GK: variants seen among roughly 807,000 people sequenced by gnomAD.
GK encodes the protein glycerol kinase.
GK carries 9 observed loss-of-function variants against 56.4 expected under a neutral mutation model. The observed-to-expected ratio is 0.16, with a 90% CI of 0.10 to 0.28. The LOEUF (loss-of-function observed/expected upper bound fraction) is 0.28, where lower values mean the gene tolerates loss of function less well. GK is among the 10% of genes least tolerant of loss of function. GK has a pLI of 1.00. For synonymous variants in GK, 104 were observed against 144.1 expected (o/e 0.72, Z 1.99); for missense variants, 161 against 431.4 (o/e 0.37, Z 5.55).
intron 5 of GK, among the ~76,000 whole-genome samples, chrX:30,692,134 G>C (rs988501520): frequency 5.4e-5 from 6 of 111,290 alleles, no homozygotes; most frequent in African/African-American, 2.0e-4. Context: ...TGGGATGCTT[G>C]TATCATTTTC....
chrX:30,730,073 C>T lies in GK; in HGVS notation c.*1331C>T, dbSNP rs1267342197. ...TCATTACAAATACCTTCCAATGAAA[C>T]CAAGAATTTCTCAAAATATTTAATG... On this transcript the variant is annotated 3_prime_UTR_variant, in exon 21 of 21. Coordinates refer to ENST00000427190, the MANE Select transcript of GK (RefSeq NM_001205019.2). 1 of 112,025 alleles carries T rather than the reference C, an allele frequency of 8.9e-6. No individual in the cohort carries two copies. The highest frequency in any genetic ancestry group is 3.2e-5 in the African/African-American group (1 of 30,812). 9.2% of individuals were successfully genotyped at this position (112,025 alleles called of 1,213,427 possible). A position where few individuals can be genotyped will look rare whatever the true frequency, so the allele number is the denominator to read the frequency against.
chrX:30,708,800 G>T (rs1936168078), intron 13 of GK, among the ~76,000 whole-genome samples: 1 of 111,704 alleles, frequency 9.0e-6, no homozygotes, highest in South Asian at 3.7e-4. Flanking sequence ...AATTAATTTT[G>T]AAATGGCTAC....
At chrX:30,677,479 T>G in intron 4 of GK, 27 bp downstream of exon 4, 2 of 819,311 alleles carry the variant, frequency 2.4e-6, no homozygotes, top group Non-Finnish European at 3.7e-6. Flanking sequence ...GGATGTCAAA[T>G]GTAGGGCCTT....
chrX:30,680,854 G>A (rs1018509373), intron 4 of GK, among the ~76,000 whole-genome samples: 2 of 111,695 alleles, frequency 1.8e-5, no homozygotes, highest in African/African-American at 6.5e-5. Flanking sequence ...GACTGGGACT[G>A]TGAAAGGTCA....
chrX:30,723,322 G>A (rs749484650), intron 18 of GK, among the ~76,000 whole-genome samples: 58 of 108,877 alleles, frequency 5.3e-4, no homozygotes, highest in African/African-American at 1.8e-3. Context: ...GTGAACCCGG[G>A]AGGCAGAGCT....
chrX:30,673,629 C>T (rs182304467), intron 3 of GK, among the ~76,000 whole-genome samples: 1 of 111,110 alleles, frequency 9.0e-6, no homozygotes, highest in African/African-American at 3.3e-5. Context: ...TGCCTGCAAG[C>T]AAAGCAATTT....
intron 9 of GK, among the ~76,000 whole-genome samples, 176 bp downstream of exon 9, chrX:30,697,925 T>A (rs901271115): frequency 1.5e-4 from 17 of 111,784 alleles, no homozygotes; most frequent in African/African-American, 5.5e-4. Context: ...AAACTTAATC[T>A]TGTTTGTTTT....
intron 1 of GK, among the ~76,000 whole-genome samples, chrX:30,653,941 G>C (rs1396495578): frequency 8.9e-6 from 1 of 112,889 alleles, no homozygotes; most frequent in East Asian, 2.8e-4. Flanking sequence ...TGCAGTAGGG[G>C]ACAGGTGGCC....
At chrX:30,712,523 T>C (rs773576305) in intron 13 of GK, among the ~76,000 whole-genome samples, 4 of 110,091 alleles carry the variant, frequency 3.6e-5, no homozygotes, top group Admixed American at 1.9e-4. Context: ...TATTTGGTTA[T>C]TTTTCACATC....
chrX:30,679,668 C>T (rs1313469336), intron 4 of GK, among the ~76,000 whole-genome samples: 1 of 111,549 alleles, frequency 9.0e-6, no homozygotes, highest in Non-Finnish European at 1.9e-5. Flanking sequence ...CTGCCTGTGT[C>T]CCTCTGCACC....
At chrX:30,653,782 A>G (rs1371007000) in intron 1 of GK, among the ~76,000 whole-genome samples, 167 bp downstream of exon 1, 1 of 112,558 alleles carries the variant, frequency 8.9e-6, no homozygotes, top group Non-Finnish European at 1.9e-5. Flanking sequence ...TGCCCCAGCC[A>G]GGCCTGGGGG....
intron 5 of GK, among the ~76,000 whole-genome samples, chrX:30,692,706 C>T (rs1208067642): frequency 9.1e-6 from 1 of 110,398 alleles, no homozygotes; most frequent in African/African-American, 3.3e-5. Flanking sequence ...GTGATCTGCC[C>T]GCCTCAGCCT....
chrX:30,696,373 A>T (rs1407356698), intron 7 of GK, among the ~76,000 whole-genome samples: 1 of 112,302 alleles, frequency 8.9e-6, no homozygotes, highest in East Asian at 2.8e-4. Flanking sequence ...AGGTTCCTTT[A>T]TAAAAGTACT....
At chrX:30,689,944 C>G (rs745701943) in intron 4 of GK, among the ~76,000 whole-genome samples, 1 of 111,687 alleles carries the variant, frequency 9.0e-6, no homozygotes, top group South Asian at 3.8e-4. Flanking sequence ...TGCTGCTTTT[C>G]CCACCTACAG....
intron 11 of GK, among the ~76,000 whole-genome samples, chrX:30,705,977 A>G (rs1935983617): frequency 8.9e-6 from 1 of 112,484 alleles, no homozygotes; most frequent in African/African-American, 3.2e-5. Flanking sequence ...AAAAAGCATG[A>G]AATAGATAAT....
chrX:30,715,132 AT>A (rs1451378244), intron 13 of GK, among the ~76,000 whole-genome samples: 1 of 111,666 alleles, frequency 9.0e-6, no homozygotes, highest in Non-Finnish European at 1.9e-5. Context: ...ACTTTACCTG[AT>A]TTTTCTCCAT....
At chrX:30,692,386 C>T (rs1284539056) in intron 5 of GK, among the ~76,000 whole-genome samples, 2 of 111,888 alleles carry the variant, frequency 1.8e-5, no homozygotes, top group East Asian at 5.5e-4. Context: ...ATATTATGTA[C>T]TACCTCGCTA....
intron 19 of GK, among the ~76,000 whole-genome samples, chrX:30,727,048 C>T (rs1170770814): frequency 8.9e-6 from 1 of 112,086 alleles, no homozygotes; most frequent in Non-Finnish European, 1.9e-5. Context: ...CATCTTAGGA[C>T]ACTAATATAA....
At chrX:30,726,789 A>T (rs1204744675) in intron 19 of GK, among the ~76,000 whole-genome samples, 4 of 111,538 alleles carry the variant, frequency 3.6e-5, no homozygotes. Context: ...AGGATATTAG[A>T]ATTGCTACCT....
Sources: gnomAD v4.1 joint callset for allele counts (sites outside exome capture counted in the v4.1 genomes callset) on GRCh38, gnomAD v4.1.1 for gene constraint, MANE v1.5 for transcripts, NCBI Gene and HGNC (gene_info 2026-07-23, HGNC 2026-07-21) for gene names.